The following TBC1D12 variants were observed in gnomAD, a reference collection of about 807,000 sequenced individuals.
TBC1D12 encodes the protein TBC1 domain family member 12.
In TBC1D12, 56 loss-of-function variants were observed where a neutral mutation model predicts 86.7. That is an observed-to-expected ratio of 0.65 (90% CI 0.52 to 0.81). TBC1D12 has a LOEUF of 0.81. Among genes scored for constraint, TBC1D12 ranks in the 30% least tolerant of loss-of-function variants. The pLI is 0.00. For missense variants in TBC1D12, 1,023 were observed against 1,038.8 expected, an observed-to-expected ratio of 0.98 and a Z score of 0.21; for synonymous variants, 421 against 411.7, an observed-to-expected ratio of 1.02 and a Z score of -0.27.
intron 1 of TBC1D12, among the ~76,000 whole-genome samples, chr10:94,440,654 T>A (rs955130169): frequency 6.6e-6 from 1 of 152,212 alleles, no homozygotes; most frequent in Non-Finnish European, 1.5e-5. Context: ...TTGTAATTAA[T>A]CATATGTGTG....
chr10:94,448,210 GAAC>G (rs1330367382), intron 2 of TBC1D12, among the ~76,000 whole-genome samples: 5 of 152,056 alleles, frequency 3.3e-5, no homozygotes, highest in East Asian at 3.9e-4. Flanking sequence ...TTTACTGCAG[GAAC>G]AACATTATGG....
At position 94,402,574 on chromosome 10, in the gene TBC1D12, T is replaced by G. The variant is rs772894361; in HGVS notation, c.-40T>G. The G allele has an allele frequency of 6.2e-7, 1 of 1,605,630 alleles. No homozygotes were observed. Among genetic ancestry groups the G allele is most frequent in the Non-Finnish European group, 8.5e-7 (1 of 1,176,258 alleles). On this transcript the variant is annotated 5_prime_UTR_variant, in exon 1 of 13. Transcript: ENST00000225235. ...TCTCTGGCCAAGCCTGCGCCTGTAG[T>G]CCTTCTTTGCCTCCTGGGGCGGCCG... is the stretch of plus-strand genomic sequence containing the variant.
Position 94,414,437 on chromosome 10 carries a change from C to T in TBC1D12, c.971+10853C>T, listed in dbSNP as rs183826476. ...AGGCCTGTTGGTTTCAGAGTATTAC[C>T]ACAGATTATTTCCATATTTTTCTAA... is the stretch of plus-strand genomic sequence containing the variant. On this transcript the variant is annotated intron_variant, in intron 1 of 12. Transcript: ENST00000225235. Among the ~76,000 whole-genome samples the T allele has an allele frequency of 3.8e-3, 574 of 152,224 alleles. 2 individuals carry two copies. The highest frequency in any genetic ancestry group is 0.013 in the African/African-American group (551 of 41,550).
intron 1 of TBC1D12, among the ~76,000 whole-genome samples, chr10:94,434,167 G>A (rs2134080179): frequency 6.6e-6 from 1 of 152,320 alleles, no homozygotes; most frequent in Middle Eastern, 3.4e-3. Context: ...GCCCAATGCA[G>A]TGTAGGCAGA....
At chr10:94,442,284 T>C (rs1196059463) in intron 2 of TBC1D12, among the ~76,000 whole-genome samples, 2 of 152,088 alleles carry the variant, frequency 1.3e-5, no homozygotes, top group African/African-American at 4.8e-5. Flanking sequence ...ATTCCTTGAA[T>C]AGATTTTTTA....
At chr10:94,444,530 G>T (rs967337061) in intron 2 of TBC1D12, among the ~76,000 whole-genome samples, 1 of 152,012 alleles carries the variant, frequency 6.6e-6, no homozygotes, top group Non-Finnish European at 1.5e-5. Context: ...GCTACTGAAG[G>T]TTTATACAGG....
chr10:94,442,087 T>G, intron 2 of TBC1D12, 68 bp downstream of exon 2: 1 of 1,333,756 alleles, frequency 7.5e-7, no homozygotes, highest in Non-Finnish European at 9.9e-7. Context: ...TTCTTCTTTT[T>G]TTTTTTTTTT....
chr10:94,447,568 A>G, intron 2 of TBC1D12: 1 of 968,516 alleles, frequency 1.0e-6, no homozygotes, highest in Non-Finnish European at 1.2e-6. Flanking sequence ...CTTGATAATC[A>G]ATTCCAAAAT....
chr10:94,530,945 C>A (rs575008703), intron 11 of TBC1D12, among the ~76,000 whole-genome samples: 2 of 150,788 alleles, frequency 1.3e-5, no homozygotes, highest in Non-Finnish European at 1.5e-5. Flanking sequence ...CTGCAACCTC[C>A]GCCTCCTGGG....
intron 9 of TBC1D12, among the ~76,000 whole-genome samples, chr10:94,521,238 C>CA (rs398038539): frequency 0.18 from 22,309 of 122,494 alleles, 2,254 homozygotes; most frequent in African/African-American, 0.27. Context: ...AAAAAAAAAA[C>CA]AAAAAAAAAA....
chr10:94,527,123 C>T (rs1489084638), intron 11 of TBC1D12, among the ~76,000 whole-genome samples: 1 of 143,278 alleles, frequency 7.0e-6, no homozygotes, highest in East Asian at 2.0e-4. Context: ...TCATTCTCTG[C>T]ACTCTGTTGC....
intron 2 of TBC1D12, among the ~76,000 whole-genome samples, chr10:94,458,585 G>A (rs988551822): frequency 3.3e-5 from 5 of 152,068 alleles, no homozygotes; most frequent in African/African-American, 4.8e-5. Context: ...ATGAAGCCAC[G>A]GACCCACGTG....
chr10:94,445,674 G>A (rs1252590456), intron 2 of TBC1D12, among the ~76,000 whole-genome samples: 2 of 152,068 alleles, frequency 1.3e-5, no homozygotes, highest in Admixed American at 6.5e-5. Context: ...TCAGCTGGGT[G>A]CGGTGGCTCA....
chr10:94,423,342 C>CTTTTTTTTT (rs71486719), intron 1 of TBC1D12, among the ~76,000 whole-genome samples: 3 of 94,202 alleles, frequency 3.2e-5, no homozygotes, highest in Non-Finnish European at 3.9e-5. Context: ...CATTCACCAT[C>CTTTTTTTTT]TTTTTTTTTT....
At position 94,406,967 on chromosome 10, in the gene TBC1D12, A is replaced by G. The variant is rs537256239; in HGVS notation, c.971+3383A>G. Among the ~76,000 whole-genome samples the G allele has an allele frequency of 5.3e-5, 8 of 151,864 alleles. No individual in the cohort carries two copies. In the East Asian group the frequency reaches 1.4e-3, roughly 26 times the overall value. On this transcript the variant is annotated intron_variant, in intron 1 of 12. Coordinates refer to ENST00000225235, the MANE Select transcript of TBC1D12 (RefSeq NM_015188.2). The stretch of plus-strand genomic sequence containing the variant: ...TTTATGGCTCTTTTCTCTCCCACCT[A>G]TTTATCCTCCATGCTTTCCTTCTTC...
At position 94,444,156 on chromosome 10, in the gene TBC1D12, C is replaced by G. The variant is rs544726370; in HGVS notation, c.1095+2137C>G. Among the ~76,000 whole-genome samples, 3 of 135,190 alleles carry G rather than the reference C, an allele frequency of 2.2e-5. No individual in the cohort carries two copies. In the South Asian group the frequency reaches 7.0e-4, roughly 31 times the overall value. 88.7% of individuals were successfully genotyped at this position (135,190 alleles called of 152,430 possible). A position where few individuals can be genotyped will look rare whatever the true frequency, so the allele number is the denominator to read the frequency against. Reference sequence around the variant, plus strand: ...CTGCACTTCAGCCTGGGTGACAGAGCAAGACTCCATCTCAAGAAAAAAAAA... The same window carrying G: ...CTGCACTTCAGCCTGGGTGACAGAGGAAGACTCCATCTCAAGAAAAAAAAA... On this transcript the variant is annotated intron_variant, in intron 2 of 12. Transcript: ENST00000225235.
At chr10:94,519,029 C>T (rs754986103) in intron 9 of TBC1D12, among the ~76,000 whole-genome samples, 13 of 152,146 alleles carry the variant, frequency 8.5e-5, no homozygotes, top group Admixed American at 2.6e-4. Context: ...GAGCCAATAT[C>T]GTGCCACTGC....
chr10:94,459,776 C>T (rs769912273), intron 2 of TBC1D12, among the ~76,000 whole-genome samples: 42 of 152,152 alleles, frequency 2.8e-4, no homozygotes, highest in Admixed American at 2.2e-3. Flanking sequence ...CCAGTGGCAC[C>T]GGCCAGCAGC....
chr10:94,522,352 A>G lies in TBC1D12; in HGVS notation c.1899A>G (p.Lys633=). The change falls in exon 11 of 13, where the codon AAA becomes AAG. Residue 633 remains lysine, a synonymous_variant. Transcript: ENST00000225235. ...GATTTTTTAATCTTTAGATGTTGAA[A>G]TATTTTGCAACATTTGAAGTATTCT... ...FFRVDHSMML[K]YFATFEVFFE... is the part of the protein sequence containing the mutation. The G allele has an allele frequency of 2.1e-6, 3 of 1,401,304 alleles. No homozygotes were observed. The highest frequency in any genetic ancestry group is 2.9e-6 in the Non-Finnish European group (3 of 1,029,380). 86.8% of individuals were successfully genotyped at this position (1,401,304 alleles called of 1,614,324 possible).
Sources: allele counts gnomAD v4.1 joint callset (sites outside exome capture counted in the v4.1 genomes callset), GRCh38; gene constraint gnomAD v4.1.1; transcripts MANE v1.5; gene names NCBI Gene and HGNC (gene_info 2026-07-23, HGNC 2026-07-21).